The following CNTN5 variants were observed in gnomAD, a reference collection of about 807,000 sequenced individuals.
CNTN5 encodes the protein contactin 5, also known as contactin-5.
A neutral mutation model predicts 129.1 loss-of-function variants in CNTN5; 77 were observed. The observed-to-expected ratio is 0.60, with a 90% CI of 0.50 to 0.72. The LOEUF (loss-of-function observed/expected upper bound fraction) is 0.72, where lower values mean the gene tolerates loss of function less well. Ranked by LOEUF, CNTN5 falls within the 30% of genes least tolerant of loss-of-function variation. The probability of loss-of-function intolerance (pLI) is 0.00; values close to 1 mark genes in which losing one functional copy is unlikely to be tolerated. For synonymous variants in CNTN5, 509 were observed against 465.6 expected, an observed-to-expected ratio of 1.09 and a Z score of -1.20; for missense variants, 1,478 against 1,328.8, an observed-to-expected ratio of 1.11 and a Z score of -1.75.
rs192177741 is a variant in CNTN5, at chr11:99,940,226, T to C, written c.674-16580T>C. Among the ~76,000 whole-genome samples the C allele has an allele frequency of 2.4e-4, 37 of 152,258 alleles. No individual in the cohort carries two copies. The East Asian group carries it at 2.5e-3, about 10-fold the overall frequency. Reference sequence around the variant, plus strand: ...GGGTGCTGAGATTGAGAAAACTTGATCTAGATCATATGGAGGTTATGCATT... The same window carrying C: ...GGGTGCTGAGATTGAGAAAACTTGACCTAGATCATATGGAGGTTATGCATT... On this transcript the variant is annotated intron_variant, in intron 7 of 24. Coordinates refer to ENST00000524871, the MANE Select transcript of CNTN5 (RefSeq NM_014361.4).
chr11:99,419,885 T>C (rs1346998011), intron 2 of CNTN5, among the ~76,000 whole-genome samples: 1 of 152,106 alleles, frequency 6.6e-6, no homozygotes, highest in African/African-American at 2.4e-5. Context: ...ATTTCATTAA[T>C]TCAAAAAATG....
At chr11:99,313,244 G>A (rs969774297) in intron 1 of CNTN5, among the ~76,000 whole-genome samples, 2 of 151,832 alleles carry the variant, frequency 1.3e-5, no homozygotes, top group Non-Finnish European at 2.9e-5. Context: ...ACAGATGTAC[G>A]TCATGATTCA....
intron 1 of CNTN5, among the ~76,000 whole-genome samples, chr11:99,259,761 A>AAG (rs1862544477): frequency 6.6e-6 from 1 of 151,874 alleles, no homozygotes; most frequent in African/African-American, 2.4e-5. Context: ...AGTATTGAAT[A>AAG]AGAGTACCTT....
At chr11:100,014,821 G>C (rs1376584891) in intron 9 of CNTN5, among the ~76,000 whole-genome samples, 1 of 151,836 alleles carries the variant, frequency 6.6e-6, no homozygotes, top group Non-Finnish European at 1.5e-5. Flanking sequence ...TCTTAATTTA[G>C]CCTATTTGAT....
At chr11:99,578,098 G>A (rs1374182080) in intron 3 of CNTN5, among the ~76,000 whole-genome samples, 2 of 151,422 alleles carry the variant, frequency 1.3e-5, no homozygotes, top group South Asian at 2.1e-4. Context: ...TTCTCCGTGC[G>A]ATAGTTTGCT....
chr11:99,193,908 T>G (rs10501903), intron 1 of CNTN5, among the ~76,000 whole-genome samples: 26,401 of 152,114 alleles, frequency 0.17, 2,454 homozygotes, highest in Non-Finnish European at 0.21. Context: ...AGCATTCATA[T>G]TCATAAGAGG....
chr11:100,190,863 C>A (rs115706639), intron 13 of CNTN5, among the ~76,000 whole-genome samples: 2,292 of 152,028 alleles, frequency 0.015, 61 homozygotes, highest in African/African-American at 0.052. Context: ...ACCCCTTCTG[C>A]AAGTTTTAAA....
chr11:99,968,519 G>T (rs1951156737), intron 8 of CNTN5, among the ~76,000 whole-genome samples: 1 of 152,016 alleles, frequency 6.6e-6, no homozygotes, highest in Admixed American at 6.6e-5. Context: ...AGCACAGAGA[G>T]AATGGATCTC....
intron 3 of CNTN5, among the ~76,000 whole-genome samples, chr11:99,717,454 G>C (rs1955288810): frequency 1.3e-5 from 2 of 151,922 alleles, no homozygotes; most frequent in Admixed American, 6.6e-5. Context: ...AATTCTATCA[G>C]TAATATAAAA....
chr11:99,524,836 A>G (rs542281058), intron 2 of CNTN5, among the ~76,000 whole-genome samples: 3 of 152,222 alleles, frequency 2.0e-5, no homozygotes, highest in East Asian at 1.9e-4. Context: ...ATTTATATGT[A>G]TATATATTTT....
At chr11:99,774,181 A>G (rs537456677) in intron 3 of CNTN5, among the ~76,000 whole-genome samples, 1 of 152,058 alleles carries the variant, frequency 6.6e-6, no homozygotes, top group Non-Finnish European at 1.5e-5. Context: ...AAGGAGCAGG[A>G]ACTATTTCTT....
intron 1 of CNTN5, among the ~76,000 whole-genome samples, chr11:99,175,970 A>G (rs1361617867): frequency 6.6e-6 from 1 of 152,180 alleles, no homozygotes; most frequent in African/African-American, 2.4e-5. Context: ...TCAAGACACT[A>G]TTATCTCAAG....
chr11:99,223,746 G>A (rs1012393345), intron 1 of CNTN5, among the ~76,000 whole-genome samples: 22 of 152,116 alleles, frequency 1.4e-4, no homozygotes, highest in Non-Finnish European at 2.2e-4. Context: ...TCTCACAGGT[G>A]AAAATCTACC....
chr11:99,663,235 G>A (rs996228187), intron 3 of CNTN5, among the ~76,000 whole-genome samples: 9 of 152,148 alleles, frequency 5.9e-5, no homozygotes, highest in African/African-American at 1.7e-4. Context: ...TTGGGAGGCC[G>A]AGGGCTGGCA....
intron 8 of CNTN5, among the ~76,000 whole-genome samples, chr11:99,964,829 A>G (rs1463534708): frequency 2.6e-5 from 4 of 152,030 alleles, no homozygotes; most frequent in Non-Finnish European, 4.4e-5. Context: ...TTATTGCCTC[A>G]ATTTCAGAGC....
chr11:100,092,675 C>T (rs1944834494), intron 13 of CNTN5, among the ~76,000 whole-genome samples: 1 of 152,074 alleles, frequency 6.6e-6, no homozygotes, highest in Non-Finnish European at 1.5e-5. Flanking sequence ...GCTGTTATAT[C>T]TGTATAAATC....
chr11:99,737,866 C>T (rs1943761717), intron 3 of CNTN5, among the ~76,000 whole-genome samples: 1 of 152,038 alleles, frequency 6.6e-6, no homozygotes, highest in Admixed American at 6.6e-5. Context: ...TTTAACGTCA[C>T]TAAAATAAAA....
chr11:99,889,321 TGTGTGTGTGTGTGTGTG>T (rs1948989313), intron 6 of CNTN5, among the ~76,000 whole-genome samples: 1 of 144,810 alleles, frequency 6.9e-6, no homozygotes, highest in African/African-American at 2.6e-5. Context: ...TGTGTGTGTG[TGTGTGTGTGTGTGTGTG>T]TGTGTGTGTG....
chr11:99,081,430 A>G (rs968213757), intron 1 of CNTN5, among the ~76,000 whole-genome samples: 4 of 152,110 alleles, frequency 2.6e-5, no homozygotes, highest in Non-Finnish European at 5.9e-5. Flanking sequence ...TCCTTTCTAC[A>G]TTTTCCCAGG....
Sources: allele counts gnomAD v4.1 joint callset (sites outside exome capture counted in the v4.1 genomes callset), GRCh38; gene constraint gnomAD v4.1.1; transcripts MANE v1.5; gene names NCBI Gene and HGNC (gene_info 2026-07-23, HGNC 2026-07-21).